Variants in NUMB observed in about 807,000 individuals in gnomAD.
NUMB encodes NUMB endocytic adaptor protein.
NUMB carries 29 observed loss-of-function variants against 59.7 expected under a neutral mutation model. The ratio of observed to expected loss-of-function variants is 0.49; its 90% confidence interval spans 0.36 to 0.66. The LOEUF (loss-of-function observed/expected upper bound fraction) is 0.66, where lower values mean the gene tolerates loss of function less well. NUMB is among the 30% of genes least tolerant of loss of function. The pLI is 0.00. For synonymous variants in NUMB, 288 were observed against 288.2 expected (o/e 1.00, Z 0.01); for missense variants, 723 against 822.0 (o/e 0.88, Z 1.47).
At chr14:73,415,897 T>C (rs2140142329) in intron 1 of NUMB, among the ~76,000 whole-genome samples, 1 of 152,248 alleles carries the variant, frequency 6.6e-6, no homozygotes, top group Middle Eastern at 3.4e-3. Context: ...AAAGAGGAAA[T>C]ATGAAAACAG....
rs536318356 is a variant in NUMB, at chr14:73,282,892, T to C, written c.950-387A>G. Among the ~76,000 whole-genome samples the C allele has an allele frequency of 1.4e-4, 21 of 152,344 alleles. No individual in the cohort carries two copies. In the South Asian group the frequency reaches 1.4e-3, roughly 11 times the overall value. ...TTCCAACGTGTTCTCAAGACTGTGA[T>C]CTGAATTAGGTTCTGGAGCCTTTAG... On this transcript the variant is annotated intron_variant, in intron 10 of 12. Coordinates refer to ENST00000555238, the MANE Select transcript of NUMB (RefSeq NM_001005743.2).
Position 73,277,202 on chromosome 14 carries a change from T to C in NUMB, c.1332A>G (p.Leu444=). 1.2e-6 allele frequency: 2 copies of C among 1,614,058 alleles called. No homozygotes were observed. The highest frequency in any genetic ancestry group is 1.7e-6 in the Non-Finnish European group (2 of 1,180,024). Residue 444 remains leucine, a synonymous_variant, in exon 13 of 13, where the codon TTA becomes TTG. Coordinates refer to ENST00000555238, the MANE Select transcript of NUMB (RefSeq NM_001005743.2). Reference sequence around the variant, plus strand: ...CCCGGACGCTCTTAGACACCTCTTCTAACCATCGGTCGGCCTCAGAGGGAG... The same window carrying C: ...CCCGGACGCTCTTAGACACCTCTTCCAACCATCGGTCGGCCTCAGAGGGAG... The part of the protein sequence containing the change: ...RRTPSEADRW[L]EEVSKSVRAQ...
At chr14:73,413,567 G>A (rs1046563816) in intron 1 of NUMB, among the ~76,000 whole-genome samples, 1 of 151,050 alleles carries the variant, frequency 6.6e-6, no homozygotes, top group African/African-American at 2.4e-5. Context: ...AGACCAGCCT[G>A]GCCAACATGG....
intron 2 of NUMB, among the ~76,000 whole-genome samples, chr14:73,406,354 C>T (rs1169946443): frequency 1.4e-5 from 2 of 147,448 alleles, no homozygotes; most frequent in Non-Finnish European, 3.0e-5. Flanking sequence ...GTTTGGTTTT[C>T]TGTCCTTGTG....
intron 5 of NUMB, among the ~76,000 whole-genome samples, chr14:73,318,112 T>G (rs1891185244): frequency 6.6e-6 from 1 of 152,230 alleles, no homozygotes; most frequent in African/African-American, 2.4e-5. Context: ...TTGGTGACCC[T>G]AGTTTTGTTA....
At chr14:73,353,850 A>G (rs948212975) in intron 4 of NUMB, among the ~76,000 whole-genome samples, 2 of 152,054 alleles carry the variant, frequency 1.3e-5, no homozygotes, top group African/African-American at 4.8e-5. Context: ...AAGTAAGCCA[A>G]CTGTATGGTG....
At chr14:73,418,290 T>C (rs555847646) in intron 1 of NUMB, among the ~76,000 whole-genome samples, 5 of 152,094 alleles carry the variant, frequency 3.3e-5, no homozygotes, top group Non-Finnish European at 7.4e-5. Context: ...GTCAAAATCA[T>C]AGAGACAAAA....
chr14:73,392,581 G>A (rs140473185), intron 2 of NUMB, among the ~76,000 whole-genome samples: 3 of 152,290 alleles, frequency 2.0e-5, no homozygotes, highest in Admixed American at 2.0e-4. Flanking sequence ...TTGTGCCTTA[G>A]TCGATATCTA....
chr14:73,372,730 A>C (rs1398065565), intron 2 of NUMB, among the ~76,000 whole-genome samples: 1 of 152,140 alleles, frequency 6.6e-6, no homozygotes, highest in East Asian at 1.9e-4. Context: ...TACAAAAGAA[A>C]AGCCTAGAAA....
chr14:73,413,528 C>T (rs867031485), intron 1 of NUMB, among the ~76,000 whole-genome samples: 42 of 151,478 alleles, frequency 2.8e-4, no homozygotes, highest in Middle Eastern at 3.4e-3. Context: ...GAGGTCGAGA[C>T]GGGTGGATCA....
At chr14:73,341,934 A>G (rs1480684246) in intron 4 of NUMB, among the ~76,000 whole-genome samples, 1 of 152,148 alleles carries the variant, frequency 6.6e-6, no homozygotes, top group Non-Finnish European at 1.5e-5. Flanking sequence ...TTCCCTTACA[A>G]CATCATGTAA....
intron 4 of NUMB, 52 bp from the exon 5 acceptor site, chr14:73,323,256 C>T: frequency 2.4e-6 from 3 of 1,249,924 alleles, no homozygotes; most frequent in African/African-American, 1.5e-5. Context: ...CAAGTAGCTA[C>T]TATACAGTAA....
chr14:73,313,743 C>T (rs1890916730), intron 6 of NUMB, among the ~76,000 whole-genome samples: 1 of 147,346 alleles, frequency 6.8e-6, no homozygotes, highest in Admixed American at 6.8e-5. Context: ...GCTCAACATG[C>T]AGTAGGACTT....
chr14:73,408,877 CAA>C (rs368923818), intron 2 of NUMB, among the ~76,000 whole-genome samples: 2 of 125,186 alleles, frequency 1.6e-5, no homozygotes, highest in African/African-American at 6.0e-5. Flanking sequence ...AACTCCTTCT[CAA>C]AAAAAAAAAA....
chr14:73,367,342 T>TAGAGAGAGAGAG (rs1350365792), intron 2 of NUMB, among the ~76,000 whole-genome samples: 75 of 78,584 alleles, frequency 9.5e-4, no homozygotes, highest in Non-Finnish European at 1.3e-3. Flanking sequence ...TATATATATA[T>TAGAGAGAGAGAG]ATATATAGAG....
intron 2 of NUMB, among the ~76,000 whole-genome samples, chr14:73,399,222 T>C (rs1242488607): frequency 2.0e-5 from 3 of 152,162 alleles, no homozygotes; most frequent in Admixed American, 2.0e-4. Context: ...ATTAAGCATA[T>C]TAAATAGTTG....
At chr14:73,416,361 T>C (rs1262878425) in intron 1 of NUMB, among the ~76,000 whole-genome samples, 10 of 151,104 alleles carry the variant, frequency 6.6e-5, no homozygotes, top group African/African-American at 2.4e-4. Flanking sequence ...AGAATCACTA[T>C]GCCAGTTAGA....
chr14:73,401,145 C>A (rs1018070946), intron 2 of NUMB, among the ~76,000 whole-genome samples: 3 of 152,154 alleles, frequency 2.0e-5, no homozygotes, highest in African/African-American at 7.2e-5. Context: ...CAGCTGGTGT[C>A]TGCCAAAGAA....
chr14:73,295,690 C>T (rs1022078307), intron 7 of NUMB, among the ~76,000 whole-genome samples: 1 of 152,080 alleles, frequency 6.6e-6, no homozygotes, highest in Non-Finnish European at 1.5e-5. Context: ...TCTCCCCTTT[C>T]AGTGGCATTT....
Sources: gnomAD v4.1 joint callset for allele counts (sites outside exome capture counted in the v4.1 genomes callset) on GRCh38, gnomAD v4.1.1 for gene constraint, MANE v1.5 for transcripts, NCBI Gene and HGNC (gene_info 2026-07-23, HGNC 2026-07-21) for gene names.